The following TRIP12 variants were observed in gnomAD, a reference collection of about 807,000 sequenced individuals.
The protein encoded by TRIP12 is E3 ubiquitin-protein ligase TRIP12.
TRIP12 carries 25 observed loss-of-function variants against 244.2 expected under a neutral mutation model. That is an observed-to-expected ratio of 0.10 (90% CI 0.07 to 0.14). The LOEUF is 0.14. TRIP12 is among the 10% of genes least tolerant of loss of function. TRIP12 has a pLI of 1.00. For missense variants in TRIP12, 1,677 were observed against 2,486.4 expected (o/e 0.67, Z 6.92); for synonymous variants, 905 against 873.1 (o/e 1.04, Z -0.64).
chr2:229,776,835 T>C (rs949432069), intron 37 of TRIP12, among the ~76,000 whole-genome samples: 2 of 152,192 alleles, frequency 1.3e-5, no homozygotes, highest in African/African-American at 4.8e-5. Context: ...TTCAAGGTTA[T>C]CTATGAGATG....
intron 1 of TRIP12, among the ~76,000 whole-genome samples, chr2:229,898,667 T>C (rs1470194305): frequency 6.6e-6 from 1 of 152,216 alleles, no homozygotes; most frequent in Non-Finnish European, 1.5e-5. Flanking sequence ...AAGATTCTTC[T>C]CTAAAATTTG....
intron 9 of TRIP12, among the ~76,000 whole-genome samples, chr2:229,817,107 C>T (rs1353102398): frequency 6.6e-6 from 1 of 152,136 alleles, no homozygotes; most frequent in Admixed American, 6.5e-5. Flanking sequence ...TAAGGATTGT[C>T]ACCTTGTATT....
At chr2:229,774,511 C>A (rs1293343886) in intron 37 of TRIP12, among the ~76,000 whole-genome samples, 1 of 152,106 alleles carries the variant, frequency 6.6e-6, no homozygotes, top group African/African-American at 2.4e-5. Flanking sequence ...TCAGTTTAAG[C>A]ATATGCAAAT....
At chr2:229,858,650 T>C in intron 4 of TRIP12, 122 bp downstream of exon 4, 1 of 819,082 alleles carries the variant, frequency 1.2e-6, no homozygotes, top group Non-Finnish European at 1.9e-6. Context: ...ACACAGACAG[T>C]AATACATCTA....
intron 29 of TRIP12, 42 bp from the exon 30 acceptor site, chr2:229,791,293 A>C: frequency 6.2e-7 from 1 of 1,609,286 alleles, no homozygotes; most frequent in Non-Finnish European, 8.5e-7. Flanking sequence ...GTAGATTTTG[A>C]AACTGATACA....
rs746737079 is a variant in TRIP12 at position 229,836,906 on chromosome 2, G to A, written c.1212C>T (p.Asn404=). The change falls in exon 6 of 42, where the codon AAC becomes AAT. Residue 404 remains asparagine (N), a synonymous_variant. Coordinates refer to ENST00000675903, the MANE Select transcript of TRIP12 (RefSeq NM_001348323.3). ...RQEKMADPES[N]QEAVNSSAAR... is the part of the protein sequence containing the mutation. ...CAGCTGAAGAATTTACTGCCTCCTG[G>A]TTGCTTTCAGGGTCTGCCATTTTCT... 2.3e-5 allele frequency: 37 copies of A among 1,605,216 alleles called. No individual in the cohort carries two copies. The highest frequency in any genetic ancestry group is 2.8e-5 in the Non-Finnish European group (33 of 1,177,334).
chr2:229,835,557 C>T (rs962387335), intron 6 of TRIP12, among the ~76,000 whole-genome samples: 1 of 152,172 alleles, frequency 6.6e-6, no homozygotes, highest in African/African-American at 2.4e-5. Context: ...TGTTTGTCTC[C>T]GTTTTTCCTC....
chr2:229,893,492 A>AT (rs2067915210), intron 1 of TRIP12, among the ~76,000 whole-genome samples: 4 of 90,996 alleles, frequency 4.4e-5, no homozygotes, highest in Admixed American at 1.2e-4. Flanking sequence ...CTACTGTTCT[A>AT]ATTTTTTTTT....
At chr2:229,851,431 T>C (rs1407949520) in intron 4 of TRIP12, among the ~76,000 whole-genome samples, 1 of 152,046 alleles carries the variant, frequency 6.6e-6, no homozygotes, top group Non-Finnish European at 1.5e-5. Context: ...GGATTGTAAA[T>C]GCACCAATTA....
rs553257317 is a variant in TRIP12 at position 229,782,342 on chromosome 2, C to T, written c.5095-3352G>A. Reference sequence around the variant, plus strand: ...AGCAGTACTAACTTCTGCCACTCACCACCAAGCCTGACCCTTTGCTCAGGC... The same window carrying T: ...AGCAGTACTAACTTCTGCCACTCACTACCAAGCCTGACCCTTTGCTCAGGC... On this transcript the variant is annotated intron_variant, in intron 34 of 41. Coordinates refer to ENST00000675903, the MANE Select transcript of TRIP12 (RefSeq NM_001348323.3). 1.3e-4 allele frequency among the ~76,000 whole-genome samples: 20 copies of T among 152,246 alleles called. No homozygotes were observed. In the South Asian group the frequency reaches 3.7e-3, roughly 28 times the overall value.
At position 229,921,947 on chromosome 2, in the gene TRIP12, AC is replaced by A. The variant is rs1210948489; in HGVS notation, c.-118del. On this transcript the variant is annotated 5_prime_UTR_variant, in exon 1 of 42. Coordinates refer to ENST00000675903, the MANE Select transcript of TRIP12 (RefSeq NM_001348323.3). The stretch of plus-strand genomic sequence containing the variant: ...GCAGTAACTTCCACTAGCTCCCCCC[AC>A]CCCCCCCAGCGGCGCGGCGGCGGCG... 30 of 61,508 alleles carry A rather than the reference AC, an allele frequency of 4.9e-4. No individual in the cohort carries two copies. Among genetic ancestry groups the A allele is most frequent in the African/African-American group, 1.0e-3 (16 of 15,760 alleles). 3.8% of individuals were successfully genotyped at this position (61,508 alleles called of 1,614,324 possible). A position where few individuals can be genotyped will look rare whatever the true frequency, so the allele number is the denominator to read the frequency against.
chr2:229,799,370 C>T lies in TRIP12; in HGVS notation c.3220G>A (p.Val1074Ile). The stretch of plus-strand genomic sequence containing the variant: ...TTTGGCAGTCGTTTTCTCTTTAGAA[C>T]ATCACTTAATCGACTGTCCATGGGA... ...DLSPQGRLSD[V>I]LKRKRLPKRG... Residue 1074 changes from valine to isoleucine, a missense_variant, in exon 22 of 42, where the codon GTT (valine) becomes ATT (isoleucine). Transcript: ENST00000675903. 2 of 1,612,170 alleles carry T rather than the reference C, an allele frequency of 1.2e-6. No individual in the cohort carries two copies. Among genetic ancestry groups the T allele is most frequent in the South Asian group, 1.1e-5 (1 of 91,020 alleles).
chr2:229,769,457 CA>C (rs370850855), intron 39 of TRIP12, 132 bp from the exon 40 acceptor site: 13,356 of 280,732 alleles, frequency 0.048, no homozygotes, highest in East Asian at 0.074. Context: ...GACCTCTTTC[CA>C]AAAAAAAAAA....
intron 2 of TRIP12, among the ~76,000 whole-genome samples, chr2:229,878,313 G>C (rs899410636): frequency 2.6e-5 from 4 of 151,906 alleles, no homozygotes; most frequent in African/African-American, 9.7e-5. Flanking sequence ...AGCCAGGTGT[G>C]ATGATGCGTG....
At chr2:229,794,551 G>A (rs562900262) in intron 26 of TRIP12, among the ~76,000 whole-genome samples, 1 of 150,030 alleles carries the variant, frequency 6.7e-6, no homozygotes, top group Non-Finnish European at 1.5e-5. Flanking sequence ...GGGCAACAAA[G>A]TAAGACTCTG....
chr2:229,904,475 A>C (rs475316), intron 1 of TRIP12, among the ~76,000 whole-genome samples: 68,010 of 150,078 alleles, frequency 0.45, 16,872 homozygotes, highest in East Asian at 0.69. Flanking sequence ...TTTAACAATT[A>C]TGGTTAAGTA....
intron 4 of TRIP12, among the ~76,000 whole-genome samples, chr2:229,849,838 A>T (rs1281235499): frequency 6.6e-6 from 1 of 152,124 alleles, no homozygotes; most frequent in Non-Finnish European, 1.5e-5. Flanking sequence ...TATCTTCTTG[A>T]AGAAGAAGAA....
At chr2:229,900,313 T>A (rs2070327340) in intron 1 of TRIP12, among the ~76,000 whole-genome samples, 1 of 152,216 alleles carries the variant, frequency 6.6e-6, no homozygotes, top group African/African-American at 2.4e-5. Context: ...CTGTTTCCTA[T>A]CTAACCTGCT....
intron 1 of TRIP12, among the ~76,000 whole-genome samples, chr2:229,898,213 G>A (rs2069450036): frequency 6.6e-6 from 1 of 152,130 alleles, no homozygotes; most frequent in South Asian, 2.1e-4. Flanking sequence ...AATAGTCTTA[G>A]GTAAGCAGGC....
Sources: gnomAD v4.1 joint callset for allele counts (sites outside exome capture counted in the v4.1 genomes callset) on GRCh38, gnomAD v4.1.1 for gene constraint, MANE v1.5 for transcripts, NCBI Gene and HGNC (gene_info 2026-07-23, HGNC 2026-07-21) for gene names.